Variants in PCDH7 observed in about 807,000 individuals in gnomAD.
The protein encoded by PCDH7 is protocadherin-7.
A neutral mutation model predicts 58.9 loss-of-function variants in PCDH7; 17 were observed. That is an observed-to-expected ratio of 0.29 (90% CI 0.20 to 0.43). The LOEUF (loss-of-function observed/expected upper bound fraction) is 0.43. PCDH7 is among the 20% of genes least tolerant of loss of function. The pLI is 1.00. For synonymous variants in PCDH7, 664 were observed against 616.4 expected (o/e 1.08, Z -1.14); for missense variants, 1,274 against 1,441.0 (o/e 0.88, Z 1.88).
intron 1 of PCDH7, among the ~76,000 whole-genome samples, chr4:30,856,705 AAAAT>A (rs903947931): frequency 1.9e-4 from 26 of 140,226 alleles, no homozygotes; most frequent in East Asian, 8.1e-4. Flanking sequence ...AAAAAAAAAA[AAAAT>A]ATATATATAT....
chr4:31,138,031 T>G (rs1248280010), intron 3 of PCDH7, among the ~76,000 whole-genome samples: 1 of 152,078 alleles, frequency 6.6e-6, no homozygotes, highest in African/African-American at 2.4e-5. Context: ...TCTTAATGAG[T>G]CTACTGTGCT....
At chr4:30,910,551 GA>G (rs1208280567) in intron 1 of PCDH7, among the ~76,000 whole-genome samples, 5 of 151,990 alleles carry the variant, frequency 3.3e-5, no homozygotes, top group Non-Finnish European at 7.4e-5. Flanking sequence ...ACAAACATAT[GA>G]AAAAAAGCCC....
intron 3 of PCDH7, among the ~76,000 whole-genome samples, chr4:31,136,639 C>T (rs2109342569): frequency 6.6e-6 from 1 of 152,302 alleles, no homozygotes; most frequent in Non-Finnish European, 1.5e-5. Flanking sequence ...ATAAATTTCT[C>T]CTCTTCCAGA....
rs181395155 is a variant in PCDH7 at position 30,946,940 on chromosome 4, G to A, written c.288-3180G>A. Reference sequence around the variant, plus strand: ...TTAGCCAGACTGTTCTCAAACTCCTGACCTCAGGTGATCTGCCCACCTCGG... The same window carrying A: ...TTAGCCAGACTGTTCTCAAACTCCTAACCTCAGGTGATCTGCCCACCTCGG... On this transcript the variant is annotated intron_variant, in intron 2 of 3. Coordinates refer to the PCDH7 transcript ENST00000509759. 2.0e-5 allele frequency among the ~76,000 whole-genome samples: 3 copies of A among 152,158 alleles called. No individual in the cohort carries two copies. In the East Asian group the frequency reaches 5.8e-4, roughly 30 times the overall value.
intron 3 of PCDH7, among the ~76,000 whole-genome samples, chr4:30,959,581 T>C (rs1027742974): frequency 2.6e-5 from 4 of 152,190 alleles, no homozygotes; most frequent in Non-Finnish European, 4.4e-5. Context: ...TGCAGTTGCA[T>C]GAATATAATA....
chr4:31,133,244 G>A (rs1286229884), intron 3 of PCDH7, among the ~76,000 whole-genome samples: 1 of 152,056 alleles, frequency 6.6e-6, no homozygotes, highest in Non-Finnish European at 1.5e-5. Flanking sequence ...CTCTAATTCA[G>A]GTATCTTGAA....
chr4:30,941,321 T>C (rs536605588), intron 2 of PCDH7, among the ~76,000 whole-genome samples: 1 of 152,142 alleles, frequency 6.6e-6, no homozygotes, highest in South Asian at 2.1e-4. Flanking sequence ...AAAATGGTGT[T>C]ATTTCTACTT....
chr4:30,955,512 TTTTA>T (rs1355720129), intron 3 of PCDH7, among the ~76,000 whole-genome samples: 1 of 151,476 alleles, frequency 6.6e-6, no homozygotes, highest in East Asian at 1.9e-4. Flanking sequence ...TTTTATTTTA[TTTTA>T]TTTTATTTCA....
chr4:31,073,297 T>C (rs148928294), intron 3 of PCDH7, among the ~76,000 whole-genome samples: 1,985 of 152,206 alleles, frequency 0.013, 38 homozygotes, highest in African/African-American at 0.046. Context: ...ATAGCACACA[T>C]AAATAAACAA....
intron 3 of PCDH7, among the ~76,000 whole-genome samples, chr4:31,127,154 T>A (rs1240843994): frequency 2.0e-5 from 3 of 152,206 alleles, no homozygotes; most frequent in Non-Finnish European, 2.9e-5. Context: ...TGATCATCAC[T>A]GTCTGCTAGT....
In PCDH7 at chr4:30,722,483, T is replaced by C; in HGVS notation, c.1061T>C (p.Val354Ala). 6.2e-7 allele frequency: 1 copy of C among 1,608,832 alleles called. No homozygotes were observed. Among genetic ancestry groups the C allele is most frequent in the Non-Finnish European group, 8.5e-7 (1 of 1,178,070 alleles). The change falls in exon 1 of 2, where the codon GTG (valine) becomes GCG (alanine). Residue 354 changes from valine (V) to alanine (A), a missense_variant. Around this residue, in one of 3 missense-constraint regions of PCDH7, gnomAD observed 331 missense variants for 303.2 expected, o/e 1.09. Coordinates refer to ENST00000361762, the Ensembl canonical transcript of PCDH7. The surrounding 1 kb of genome is among the most constrained non-coding windows in gnomAD (Gnocchi z 7.6). Reference sequence around the variant, plus strand: ...GTGTTCGGGGCGGCCACCGAGTCGGTGAGGCGGCTGCTGCGCCTTGACGAG... The same window carrying C: ...GTGTTCGGGGCGGCCACCGAGTCGGCGAGGCGGCTGCTGCGCCTTGACGAG...
At chr4:31,091,766 C>A (rs1245240706) in intron 3 of PCDH7, among the ~76,000 whole-genome samples, 2 of 151,918 alleles carry the variant, frequency 1.3e-5, no homozygotes, top group Non-Finnish European at 2.9e-5. Flanking sequence ...AATTCTCACT[C>A]CACTTTGACA....
chr4:30,835,140 A>G (rs2109333737), intron 1 of PCDH7, among the ~76,000 whole-genome samples: 1 of 152,154 alleles, frequency 6.6e-6, no homozygotes, highest in South Asian at 2.1e-4. Context: ...TATGAGGGAA[A>G]ATTCGTAATA....
At chr4:30,918,341 G>A (rs1342936747) in intron 1 of PCDH7, among the ~76,000 whole-genome samples, 23 of 152,026 alleles carry the variant, frequency 1.5e-4, no homozygotes, top group Non-Finnish European at 2.8e-4. Flanking sequence ...GGGTGGATGG[G>A]GTGGGTGAGG....
At chr4:30,870,631 G>T (rs1646762466) in intron 1 of PCDH7, among the ~76,000 whole-genome samples, 1 of 152,084 alleles carries the variant, frequency 6.6e-6, no homozygotes, top group Non-Finnish European at 1.5e-5. Context: ...CTGCTCTCTA[G>T]ATGTGTTATT....
intron 1 of PCDH7, among the ~76,000 whole-genome samples, chr4:30,739,434 CA>C (rs1440252140): frequency 6.8e-6 from 1 of 148,064 alleles, no homozygotes; most frequent in Non-Finnish European, 1.5e-5. Flanking sequence ...ATGGTATAAA[CA>C]AATATATATT....
At chr4:30,789,138 C>A (rs1723792060) in intron 1 of PCDH7, among the ~76,000 whole-genome samples, 1 of 152,054 alleles carries the variant, frequency 6.6e-6, no homozygotes, top group African/African-American at 2.4e-5. Flanking sequence ...CAATAGGTCC[C>A]CCCCTAAGTT....
chr4:30,984,029 T>C (rs752990049), intron 3 of PCDH7, among the ~76,000 whole-genome samples: 44 of 152,166 alleles, frequency 2.9e-4, no homozygotes, highest in Non-Finnish European at 2.6e-4. Context: ...AGTACTAAGA[T>C]TGATTGATTG....
At chr4:30,909,419 T>A (rs1278331893) in intron 1 of PCDH7, among the ~76,000 whole-genome samples, 1 of 152,206 alleles carries the variant, frequency 6.6e-6, no homozygotes, top group East Asian at 1.9e-4. Context: ...CATGATTGTA[T>A]ATTTAGAAAA....
Sources: allele counts gnomAD v4.1 joint callset (sites outside exome capture counted in the v4.1 genomes callset), GRCh38; gene constraint gnomAD v4.1.1; regional missense constraint gnomAD v4.1.1; non-coding constraint Gnocchi (gnomAD v3.1); transcripts MANE v1.5; gene names NCBI Gene and HGNC (gene_info 2026-07-23, HGNC 2026-07-21).